Variants in CPSF3 observed in about 807,000 individuals in gnomAD.
The protein encoded by CPSF3 is cleavage and polyadenylation specific factor 3.
CPSF3 carries 57 observed loss-of-function variants against 84.1 expected under a neutral mutation model. The observed-to-expected ratio is 0.68, with a 90% CI of 0.55 to 0.85. The LOEUF (loss-of-function observed/expected upper bound fraction) is 0.85. Among genes scored for constraint, CPSF3 ranks in the 40% least tolerant of loss-of-function variants. The probability of loss-of-function intolerance (pLI) is 0.00; values close to 1 mark genes in which losing one functional copy is unlikely to be tolerated. For synonymous variants in CPSF3, 275 were observed against 278.1 expected, an observed-to-expected ratio of 0.99 and a Z score of 0.11; for missense variants, 522 against 838.8, an observed-to-expected ratio of 0.62 and a Z score of 4.66.
intron 5 of CPSF3, 44 bp downstream of exon 5, chr2:9,432,732 C>G (rs950703808): frequency 7.0e-7 from 1 of 1,421,444 alleles, no homozygotes; most frequent in South Asian, 1.8e-5. Flanking sequence ...GAAATCAGTA[C>G]AGAGCTTTGT....
At chr2:9,463,423 A>C (rs1681799094) in intron 15 of CPSF3, among the ~76,000 whole-genome samples, 1 of 152,152 alleles carries the variant, frequency 6.6e-6, no homozygotes, top group African/African-American at 2.4e-5. Context: ...TGGATTCTGG[A>C]GGTGTTCTAA....
chr2:9,441,953 T>C lies in CPSF3; in HGVS notation c.1072T>C (p.Cys358Arg). The C allele has an allele frequency of 6.2e-7, 1 of 1,614,130 alleles. No individual in the cohort carries two copies. Among genetic ancestry groups the C allele is most frequent in the East Asian group, 2.2e-5 (1 of 44,890 alleles). The change falls in exon 9 of 18, where the codon TGT becomes CGT. Residue 358 changes from cysteine (C) to arginine (R), a missense_variant. Physicochemically the swap from Cys to Arg is radical, Grantham distance 180. This residue lies in a region of CPSF3 where 329 missense variants were observed against 607.2 expected (regional missense o/e 0.54). Coordinates refer to ENST00000238112, the MANE Select transcript of CPSF3 (RefSeq NM_016207.4). Reference protein sequence around the residue: ...KRNGVIIAGYCVEGTLAKHIM... With the variant: ...KRNGVIIAGYRVEGTLAKHIM... ...GAATGGTGTCATTATAGCGGGATAC[T>C]GTGTAGAAGGGACACTTGCCAAGGT...
Position 9,468,771 on chromosome 2 carries a change from C to T in CPSF3, c.1856+995C>T, listed in dbSNP as rs537522679. 7.9e-5 allele frequency among the ~76,000 whole-genome samples: 12 copies of T among 151,934 alleles called. 1 individual carries two copies. Among genetic ancestry groups the T allele is most frequent in the African/African-American group, 2.7e-4 (11 of 41,434 alleles). On this transcript the variant is annotated intron_variant, in intron 16 of 17. Coordinates refer to ENST00000238112, the MANE Select transcript of CPSF3 (RefSeq NM_016207.4). ...CCTCCCGAGCAAGTGGGACTATAGG[C>T]GCATGCCCACCACACCCAGCTAATT...
At chr2:9,455,168 G>A (rs1343176399) in intron 12 of CPSF3, among the ~76,000 whole-genome samples, 1 of 144,356 alleles carries the variant, frequency 6.9e-6, no homozygotes, top group African/African-American at 2.6e-5. Context: ...ATGAAGTCTT[G>A]CTCTGTTGCC....
At chr2:9,459,188 G>A (rs1346825310) in intron 14 of CPSF3, among the ~76,000 whole-genome samples, 1 of 151,912 alleles carries the variant, frequency 6.6e-6, no homozygotes, top group Non-Finnish European at 1.5e-5. Context: ...TTAGGAATTT[G>A]AGTTCAGTCC....
At chr2:9,437,402 AAAAC>A (rs367929140) in intron 7 of CPSF3, among the ~76,000 whole-genome samples, 32 of 151,860 alleles carry the variant, frequency 2.1e-4, no homozygotes, top group African/African-American at 2.7e-4. Flanking sequence ...AGACTGTCTC[AAAAC>A]AAACAAACAA....
At chr2:9,423,864 G>C in intron 1 of CPSF3, 41 bp downstream of exon 1, 1 of 1,605,978 alleles carries the variant, frequency 6.2e-7, no homozygotes, top group Non-Finnish European at 8.5e-7. Flanking sequence ...CACGGGCTGT[G>C]AGGGGCGCGA....
At chr2:9,470,177 G>A (rs886773974) in intron 16 of CPSF3, among the ~76,000 whole-genome samples, 3 of 152,162 alleles carry the variant, frequency 2.0e-5, no homozygotes, top group African/African-American at 7.2e-5. Flanking sequence ...GGCCGAGATC[G>A]GGACACTGCA....
chr2:9,467,423 G>A (rs1682014193), intron 15 of CPSF3, among the ~76,000 whole-genome samples: 1 of 152,102 alleles, frequency 6.6e-6, no homozygotes. Context: ...ATAATATTAA[G>A]TGTCATTTTG....
chr2:9,449,105 A>G (rs1572788624), intron 11 of CPSF3, among the ~76,000 whole-genome samples: 1 of 152,224 alleles, frequency 6.6e-6, no homozygotes, highest in Middle Eastern at 3.4e-3. Flanking sequence ...TCGGCCGGAC[A>G]CGGTGGTTCC....
At position 9,441,731 on chromosome 2, in the gene CPSF3, T is replaced by C. The variant is rs940156055; in HGVS notation, c.937-87T>C. On this transcript the variant is annotated intron_variant, in intron 8 of 17. Transcript: ENST00000238112. The stretch of plus-strand genomic sequence containing the variant: ...TCTTTCAGTGATGTGATTAATCTCT[T>C]AGCCTTTTGTTATTCTTTAAAAAGA... 5 of 1,337,950 alleles carry C rather than the reference T, an allele frequency of 3.7e-6. No individual in the cohort carries two copies. The African/African-American group carries it at 4.4e-5, about 12-fold the overall frequency. 82.9% of individuals were successfully genotyped at this position (1,337,950 alleles called of 1,614,324 possible).
chr2:9,452,825 T>C, intron 11 of CPSF3, 88 bp from the exon 12 acceptor site: 2 of 771,722 alleles, frequency 2.6e-6, no homozygotes, highest in Non-Finnish European at 4.3e-6. Flanking sequence ...AAAGGTGTTA[T>C]GGTCTTCATT....
intron 11 of CPSF3, among the ~76,000 whole-genome samples, chr2:9,452,640 A>C (rs1309913733): frequency 2.0e-5 from 3 of 152,210 alleles, no homozygotes; most frequent in Non-Finnish European, 2.9e-5. Flanking sequence ...AGCTTTCTTA[A>C]GCCCCGGCAC....
At chr2:9,444,797 C>T (rs1308743683) in intron 10 of CPSF3, among the ~76,000 whole-genome samples, 1 of 152,050 alleles carries the variant, frequency 6.6e-6, no homozygotes, top group Non-Finnish European at 1.5e-5. Flanking sequence ...TTCCGGGTAG[C>T]TGGGATTACA....
intron 7 of CPSF3, among the ~76,000 whole-genome samples, 163 bp from the exon 8 acceptor site, chr2:9,440,328 A>G (rs867744432): frequency 2.6e-5 from 4 of 152,204 alleles, no homozygotes. Context: ...AATTTAAGTT[A>G]GTTACAACCA....
intron 15 of CPSF3, among the ~76,000 whole-genome samples, chr2:9,462,338 C>T (rs889437962): frequency 5.9e-5 from 9 of 152,220 alleles, no homozygotes; most frequent in African/African-American, 1.4e-4. Context: ...ATATAGTCAA[C>T]TAATTAGAAA....
intron 17 of CPSF3, among the ~76,000 whole-genome samples, chr2:9,471,848 C>CA (rs954661103): frequency 7.3e-5 from 11 of 150,794 alleles, no homozygotes; most frequent in African/African-American, 2.4e-4. Flanking sequence ...CTAAAAAATA[C>CA]AAAAAAAATT....
intron 6 of CPSF3, among the ~76,000 whole-genome samples, chr2:9,435,069 T>A (rs1019658556): frequency 6.6e-6 from 1 of 152,266 alleles, no homozygotes. Context: ...TACCATACTT[T>A]AGAGCAGTGC....
chr2:9,430,578 T>C (rs1264147668), intron 3 of CPSF3, among the ~76,000 whole-genome samples, 174 bp from the exon 4 acceptor site: 1 of 152,252 alleles, frequency 6.6e-6, no homozygotes, highest in Non-Finnish European at 1.5e-5. Context: ...TCCTCCATTT[T>C]AGAACTGTAT....
Sources: gnomAD v4.1 joint callset for allele counts (sites outside exome capture counted in the v4.1 genomes callset) on GRCh38, gnomAD v4.1.1 for gene constraint, gnomAD v4.1.1 regional missense constraint, MANE v1.5 for transcripts, NCBI Gene and HGNC (gene_info 2026-07-23, HGNC 2026-07-21) for gene names.